MEGF11: variants seen among roughly 807,000 people sequenced by gnomAD.
MEGF11 encodes the protein multiple epidermal growth factor-like domains protein 11.
Under a neutral mutation model 146.6 loss-of-function variants are expected in MEGF11, and 126 were observed. That is an observed-to-expected ratio of 0.86 (90% confidence interval 0.74 to 1.00). The LOEUF (loss-of-function observed/expected upper bound fraction) is 1.00, where lower values mean the gene tolerates loss of function less well. Ranked by LOEUF, MEGF11 falls within the 50% of genes least tolerant of loss-of-function variation. MEGF11 has a pLI of 0.00. For missense variants in MEGF11, 1,509 were observed against 1,521.2 expected, an observed-to-expected ratio of 0.99 and a Z score of 0.13; for synonymous variants, 532 against 583.4, an observed-to-expected ratio of 0.91 and a Z score of 1.27.
At chr15:66,243,101 C>T (rs2092242228) in intron 1 of MEGF11, among the ~76,000 whole-genome samples, 1 of 152,210 alleles carries the variant, frequency 6.6e-6, no homozygotes, top group Admixed American at 6.5e-5. Flanking sequence ...AACAAGTGTT[C>T]TCACTTCCTG....
At chr15:66,252,244 C>CA (rs1310457475) in intron 1 of MEGF11, among the ~76,000 whole-genome samples, 4 of 145,630 alleles carry the variant, frequency 2.7e-5, no homozygotes, top group Non-Finnish European at 4.6e-5. Context: ...CCCCACCCCC[C>CA]ACCGGCCGGG....
At chr15:65,966,499 C>G (rs1156784441) in intron 8 of MEGF11, among the ~76,000 whole-genome samples, 1 of 152,204 alleles carries the variant, frequency 6.6e-6, no homozygotes, top group African/African-American at 2.4e-5. Flanking sequence ...TGTACAGTCT[C>G]TCTTGTCCTA....
At chr15:66,160,774 CATAA>C (rs2089927390) in intron 1 of MEGF11, among the ~76,000 whole-genome samples, 1 of 151,382 alleles carries the variant, frequency 6.6e-6, no homozygotes, top group African/African-American at 2.4e-5. Flanking sequence ...TGATTAAGAA[CATAA>C]ATAAGTAAAT....
chr15:66,129,547 A>G (rs1375287508), intron 1 of MEGF11, among the ~76,000 whole-genome samples: 1 of 152,210 alleles, frequency 6.6e-6, no homozygotes, highest in Admixed American at 6.5e-5. Context: ...TGGGGGTGTC[A>G]TAGAAAATAT....
chr15:66,165,136 G>T (rs1267032722), intron 1 of MEGF11, among the ~76,000 whole-genome samples: 6 of 152,188 alleles, frequency 3.9e-5, no homozygotes, highest in Non-Finnish European at 7.3e-5. Context: ...CAGGAATCTG[G>T]GCTTAGCTGC....
intron 5 of MEGF11, among the ~76,000 whole-genome samples, chr15:66,009,161 G>A (rs2082620276): frequency 6.6e-6 from 1 of 151,808 alleles, no homozygotes; most frequent in Non-Finnish European, 1.5e-5. Flanking sequence ...TTGAATTGCA[G>A]ATTAATATTC....
At chr15:66,074,575 T>G (rs1295033557) in intron 5 of MEGF11, among the ~76,000 whole-genome samples, 1 of 152,234 alleles carries the variant, frequency 6.6e-6, no homozygotes, top group Non-Finnish European at 1.5e-5. Flanking sequence ...TTTTAAAAGT[T>G]AAATAGAAGA....
At chr15:66,159,436 C>T (rs562438958) in intron 1 of MEGF11, among the ~76,000 whole-genome samples, 7 of 152,332 alleles carry the variant, frequency 4.6e-5, no homozygotes, top group African/African-American at 1.7e-4. Flanking sequence ...GGGTCTAGGG[C>T]TGTTTAAGAT....
intron 10 of MEGF11, among the ~76,000 whole-genome samples, chr15:65,945,842 C>T (rs1399977073): frequency 5.3e-5 from 8 of 152,202 alleles, no homozygotes; most frequent in Admixed American, 3.3e-4. Context: ...GTGAGGATCA[C>T]TCTGGGTTTA....
intron 1 of MEGF11, among the ~76,000 whole-genome samples, chr15:66,212,212 C>T (rs1243771710): frequency 6.6e-6 from 1 of 152,008 alleles, no homozygotes; most frequent in Non-Finnish European, 1.5e-5. Flanking sequence ...CAACAAGGGA[C>T]GGGTGTCAGG....
chr15:66,032,151 C>A (rs2083545215), intron 5 of MEGF11, among the ~76,000 whole-genome samples: 1 of 152,178 alleles, frequency 6.6e-6, no homozygotes, highest in African/African-American at 2.4e-5. Flanking sequence ...TGAAACTGGT[C>A]CCTGGAGCAA....
At chr15:66,198,229 A>T (rs2091058607) in intron 1 of MEGF11, among the ~76,000 whole-genome samples, 1 of 152,240 alleles carries the variant, frequency 6.6e-6, no homozygotes, top group East Asian at 1.9e-4. Flanking sequence ...ACAAACGTTC[A>T]ACAGAGGCGG....
At chr15:66,077,457 AAGATCACGTGATATGGCTTTGC>A (rs1391041615) in intron 5 of MEGF11, among the ~76,000 whole-genome samples, 5 of 152,170 alleles carry the variant, frequency 3.3e-5, no homozygotes, top group African/African-American at 1.2e-4. Context: ...GAAGCATTGG[AAGATCACGTGATATGGCTTTGC>A]ATTCTCTCAA....
At position 65,917,971 on chromosome 15, in the gene MEGF11, G is replaced by A. The variant is rs560793386; in HGVS notation, c.2081C>T (p.Ser694Leu). Residue 694 changes from serine to leucine, a missense_variant, in exon 16 of 26, where the codon TCA (serine) becomes TTA (leucine). Transcript: ENST00000395614. ...CCCAGGTGGCAGCAGCTTACCCTGT[G>A]AGCAGTCCTTGCCAATCCATCCAGG... Reference protein sequence around the residue: ...CFPGWIGKDCSQACPPGFWGP... With the variant: ...CFPGWIGKDCLQACPPGFWGP... The A allele has an allele frequency of 1.9e-6, 3 of 1,613,994 alleles. No homozygotes were observed. In the East Asian group the frequency reaches 6.7e-5, roughly 36 times the overall value.
At chr15:66,132,643 G>T (rs1009334927) in intron 1 of MEGF11, among the ~76,000 whole-genome samples, 1 of 152,178 alleles carries the variant, frequency 6.6e-6, no homozygotes, top group Non-Finnish European at 1.5e-5. Context: ...GCTGAGGAAG[G>T]GGGGCTGAGT....
chr15:65,958,028 A>G (rs931030964), intron 9 of MEGF11, among the ~76,000 whole-genome samples: 1 of 152,192 alleles, frequency 6.6e-6, no homozygotes, highest in Non-Finnish European at 1.5e-5. Context: ...ATTCAGACAC[A>G]TGGAAACCAA....
intron 1 of MEGF11, among the ~76,000 whole-genome samples, chr15:66,152,874 G>A (rs2089619661): frequency 6.6e-6 from 1 of 152,304 alleles, no homozygotes; most frequent in East Asian, 1.9e-4. Context: ...GGGTATCCAG[G>A]CTGAAGGAGG....
intron 1 of MEGF11, among the ~76,000 whole-genome samples, chr15:66,233,826 T>C (rs1207925614): frequency 6.6e-6 from 1 of 152,014 alleles, no homozygotes; most frequent in African/African-American, 2.4e-5. Context: ...CAGTAAGATA[T>C]GAGGAACGCC....
At chr15:66,050,696 TA>T (rs1368103580) in intron 5 of MEGF11, among the ~76,000 whole-genome samples, 2 of 152,170 alleles carry the variant, frequency 1.3e-5, no homozygotes, top group East Asian at 3.8e-4. Flanking sequence ...GATTAGAGAA[TA>T]GATGGAGAGC....
Sources: gnomAD v4.1 joint callset for allele counts (sites outside exome capture counted in the v4.1 genomes callset) on GRCh38, gnomAD v4.1.1 for gene constraint, MANE v1.5 for transcripts, NCBI Gene and HGNC (gene_info 2026-07-23, HGNC 2026-07-21) for gene names.